Variants in GABPA observed in about 807,000 individuals in gnomAD.
The protein encoded by GABPA is GA binding protein transcription factor subunit alpha, also known as GA-binding protein alpha chain.
GABPA carries 4 observed loss-of-function variants against 59.4 expected under a neutral mutation model. The ratio of observed to expected loss-of-function variants is 0.07; its 90% CI spans 0.03 to 0.15. GABPA has a LOEUF of 0.15. GABPA is among the 10% of genes least tolerant of loss of function. The pLI is 1.00. For synonymous variants in GABPA, 164 were observed against 183.1 expected (o/e 0.90, Z 0.84); for missense variants, 251 against 543.8 (o/e 0.46, Z 5.36).
intron 7 of GABPA, 32 bp downstream of exon 7, chr21:25,762,397 T>C: frequency 6.9e-7 from 1 of 1,444,730 alleles, no homozygotes; most frequent in Non-Finnish European, 9.4e-7. Flanking sequence ...TGCCCTTTTA[T>C]TAATAAGAAA....
rs768673859 is a variant in GABPA at position 25,762,366 on chromosome 21, G to A, written c.802+1G>A. ...AATGAAATAGTTACAATTGATCAAC[G>A]TGAGTATTTGTACCTATATTTGCCC... On this transcript the variant is annotated splice_donor_variant, in intron 7 of 9. Transcript: ENST00000400075. LOFTEE classifies it high-confidence loss of function. 1.9e-6 allele frequency: 3 copies of A among 1,557,002 alleles called. No homozygotes were observed. The highest frequency in any genetic ancestry group is 1.8e-5 in the Admixed American group (1 of 55,202).
intron 9 of GABPA, among the ~76,000 whole-genome samples, chr21:25,766,849 A>G (rs539816627): frequency 6.6e-6 from 1 of 152,106 alleles, no homozygotes; most frequent in South Asian, 2.1e-4. Context: ...ATTATTTATA[A>G]CATCCAAACC....
At chr21:25,737,162 G>A (rs1456132551) in intron 1 of GABPA, among the ~76,000 whole-genome samples, 3 of 152,226 alleles carry the variant, frequency 2.0e-5, no homozygotes, top group South Asian at 2.1e-4. Context: ...CCCCAGGTTG[G>A]ATTTAATCCA....
Position 25,769,439 on chromosome 21 carries a change from C to T in GABPA, c.*207C>T, listed in dbSNP as rs1367411700. 1 of 501,682 alleles carries T rather than the reference C, an allele frequency of 2.0e-6. No homozygotes were observed. The highest frequency in any genetic ancestry group is 3.6e-6 in the Non-Finnish European group (1 of 279,328). The allele number at this position is 501,682 out of a possible 1,614,324, so 31.1% of individuals were successfully genotyped here. On this transcript the variant is annotated 3_prime_UTR_variant, in exon 10 of 10. Coordinates refer to ENST00000400075, the MANE Select transcript of GABPA (RefSeq NM_002040.4). The stretch of plus-strand genomic sequence containing the variant: ...TTAGAATATGTGTATGTTAAAGGAT[C>T]TCCACAATGTCTGCAGTGTGAAGGC...
At chr21:25,746,655 G>T (rs1378750584) in intron 3 of GABPA, among the ~76,000 whole-genome samples, 4 of 141,902 alleles carry the variant, frequency 2.8e-5, no homozygotes, top group Non-Finnish European at 6.5e-5. Context: ...GGGCATGTGG[G>T]AAAGTCTAGT....
At position 25,734,995 on chromosome 21, in the gene GABPA, G is replaced by C; in HGVS notation, c.-610G>C. 1 of 1,551,534 alleles carries C rather than the reference G, an allele frequency of 6.4e-7. No homozygotes were observed. The highest frequency in any genetic ancestry group is 8.7e-7 in the Non-Finnish European group (1 of 1,149,262). On this transcript the variant is annotated 5_prime_UTR_variant, in exon 1 of 10. Coordinates refer to ENST00000400075, the MANE Select transcript of GABPA (RefSeq NM_002040.4). ...TCAGTCGGTCGACGCTCACCGGACA[G>C]GAAGCGTCTCGGAGACAGTCTGCGA...
rs574687480 is a variant in GABPA, at chr21:25,744,858, T to G, written c.78-352T>G. 3.3e-5 allele frequency among the ~76,000 whole-genome samples: 5 copies of G among 152,320 alleles called. No homozygotes were observed. The South Asian group carries it at 1.0e-3, about 32-fold the overall frequency. Reference sequence around the variant, plus strand: ...ATACAGATTTTGAGGAGACAATGTGTCTTCCTTTCTGGGTCTAAAATTCTT... The same window carrying G: ...ATACAGATTTTGAGGAGACAATGTGGCTTCCTTTCTGGGTCTAAAATTCTT... On this transcript the variant is annotated intron_variant, in intron 2 of 9. Coordinates refer to ENST00000400075, the MANE Select transcript of GABPA (RefSeq NM_002040.4).
At chr21:25,742,953 A>C (rs550898959) in intron 2 of GABPA, among the ~76,000 whole-genome samples, 2 of 151,944 alleles carry the variant, frequency 1.3e-5, no homozygotes, top group Admixed American at 6.6e-5. Flanking sequence ...AAAAAGCCCA[A>C]CATTTTTTAT....
chr21:25,758,925 G>A (rs1002523339), intron 6 of GABPA, among the ~76,000 whole-genome samples: 9 of 152,042 alleles, frequency 5.9e-5, no homozygotes, highest in African/African-American at 2.2e-4. Context: ...CAAAAAATAG[G>A]CGGACAAGGT....
chr21:25,759,885 GT>G (rs1160879730), intron 6 of GABPA, among the ~76,000 whole-genome samples: 2 of 152,120 alleles, frequency 1.3e-5, no homozygotes, highest in South Asian at 2.1e-4. Context: ...CCAAATCCAC[GT>G]TTTTTCCAGT....
At chr21:25,759,859 GGTA>G (rs887927177) in intron 6 of GABPA, among the ~76,000 whole-genome samples, 1 of 152,272 alleles carries the variant, frequency 6.6e-6, no homozygotes, top group African/African-American at 2.4e-5. Flanking sequence ...GTGCATAGAT[GGTA>G]GTTTCATTTT....
chr21:25,764,143 T>A, intron 7 of GABPA, 67 bp from the exon 8 acceptor site: 1 of 1,373,790 alleles, frequency 7.3e-7, no homozygotes, highest in Non-Finnish European at 9.9e-7. Context: ...ATAATGTCTT[T>A]CAGTAATTTT....
At chr21:25,740,146 T>A (rs896382383) in intron 1 of GABPA, among the ~76,000 whole-genome samples, 1 of 152,250 alleles carries the variant, frequency 6.6e-6, no homozygotes, top group African/African-American at 2.4e-5. Context: ...ACACCAAAAC[T>A]GTGACATGGA....
intron 1 of GABPA, among the ~76,000 whole-genome samples, chr21:25,740,641 T>G (rs1288242341): frequency 6.6e-6 from 1 of 152,234 alleles, no homozygotes; most frequent in African/African-American, 2.4e-5. Flanking sequence ...GATAAAAATT[T>G]TACATGGGAT....
chr21:25,742,955 A>AT (rs1424434886), intron 2 of GABPA, among the ~76,000 whole-genome samples: 6 of 151,562 alleles, frequency 4.0e-5, no homozygotes, highest in Middle Eastern at 3.2e-3. Context: ...AAAGCCCAAC[A>AT]TTTTTTATTG....
chr21:25,750,592 T>C (rs1175864667), intron 4 of GABPA, among the ~76,000 whole-genome samples: 1 of 152,214 alleles, frequency 6.6e-6, no homozygotes, highest in Non-Finnish European at 1.5e-5. Flanking sequence ...TTTTGGTAGG[T>C]TGAATTTTAG....
chr21:25,747,926 GT>G (rs1319897939), intron 3 of GABPA, among the ~76,000 whole-genome samples: 2 of 151,266 alleles, frequency 1.3e-5, no homozygotes, highest in Non-Finnish European at 2.9e-5. Context: ...GTTTTGTTTT[GT>G]TTTTTTGGAG....
chr21:25,762,393 TTTA>T (rs1288403313), intron 7 of GABPA, 28 bp downstream of exon 7: 2 of 1,457,468 alleles, frequency 1.4e-6, no homozygotes, highest in Admixed American at 2.2e-5. Flanking sequence ...TATTTGCCCT[TTTA>T]TTAATAAGAA....
rs1162922564 is a variant in GABPA, at chr21:25,770,516, G to A, written c.*1284G>A. Reference sequence around the variant, plus strand: ...TTCTTTTCTCTCTTTGTTGTTTAAGGTATTAAGCACGAATTATTACATGAG... The same window carrying A: ...TTCTTTTCTCTCTTTGTTGTTTAAGATATTAAGCACGAATTATTACATGAG... On this transcript the variant is annotated 3_prime_UTR_variant, in exon 10 of 10. Coordinates refer to ENST00000400075, the MANE Select transcript of GABPA (RefSeq NM_002040.4). The A allele has an allele frequency of 2.6e-5, 4 of 151,992 alleles. No homozygotes were observed. The highest frequency in any genetic ancestry group is 2.0e-4 in the Admixed American group (3 of 15,254). The allele number at this position is 151,992 out of a possible 1,614,324, so 9.4% of individuals were successfully genotyped here.
Sources: allele counts gnomAD v4.1 joint callset (sites outside exome capture counted in the v4.1 genomes callset), GRCh38; gene constraint gnomAD v4.1.1; transcripts MANE v1.5; gene names NCBI Gene and HGNC (gene_info 2026-07-23, HGNC 2026-07-21).